ZMYM4: variants seen among roughly 807,000 people sequenced by gnomAD.
The protein encoded by ZMYM4 is zinc finger MYM-type containing 4.
A neutral mutation model predicts 183.2 loss-of-function variants in ZMYM4; 31 were observed. The ratio of observed to expected loss-of-function variants is 0.17; its 90% CI spans 0.13 to 0.23. ZMYM4 has a LOEUF of 0.23. Ranked by LOEUF, ZMYM4 falls within the 10% of genes least tolerant of loss-of-function variation. The probability of loss-of-function intolerance (pLI) is 1.00; values close to 1 mark genes in which losing one functional copy is unlikely to be tolerated. For synonymous variants in ZMYM4, 592 were observed against 631.2 expected (o/e 0.94, Z 0.93); for missense variants, 1,273 against 1,840.3 (o/e 0.69, Z 5.64).
intron 1 of ZMYM4, among the ~76,000 whole-genome samples, chr1:35,314,004 G>GT (rs1641922680): frequency 6.6e-6 from 1 of 151,652 alleles, no homozygotes; most frequent in Non-Finnish European, 1.5e-5. Flanking sequence ...TTAACTTTAG[G>GT]TATCACTAAT....
At chr1:35,291,799 G>T (rs1453696981) in intron 1 of ZMYM4, among the ~76,000 whole-genome samples, 1 of 151,852 alleles carries the variant, frequency 6.6e-6, no homozygotes, top group African/African-American at 2.4e-5. Flanking sequence ...CACCGCGCCT[G>T]TCTACTTTTT....
chr1:35,393,988 A>G (rs1004986787), intron 18 of ZMYM4, among the ~76,000 whole-genome samples: 1 of 152,022 alleles, frequency 6.6e-6, no homozygotes, highest in Admixed American at 6.6e-5. Flanking sequence ...TCTCTTATTA[A>G]TGACAATGTA....
At position 35,270,212 on chromosome 1, in the gene ZMYM4, A is replaced by G. The variant is rs1570198855; in HGVS notation, c.39+1127A>G. Among the ~76,000 whole-genome samples the G allele has an allele frequency of 3.9e-5, 6 of 152,338 alleles. No homozygotes were observed. The South Asian group carries it at 1.2e-3, about 32-fold the overall frequency. On this transcript the variant is annotated intron_variant, in intron 1 of 29. Coordinates refer to ENST00000314607, the MANE Select transcript of ZMYM4 (RefSeq NM_005095.3). Reference sequence around the variant, plus strand: ...AGGGCTTAAGTAATTTACTTAGATCACACAGCTAGTTGCAAGGTTGAGGTA... The same window carrying G: ...AGGGCTTAAGTAATTTACTTAGATCGCACAGCTAGTTGCAAGGTTGAGGTA...
chr1:35,388,890 TTA>T lies in ZMYM4; in HGVS notation c.2264-18_2264-17del. On this transcript the variant is annotated intron_variant, in intron 13 of 29. Transcript: ENST00000314607. ...CTAATACTTCTACCTAATGTTAATT[TTA>T]TCTTTCCTGATTTTTAGGTTGCAAA... 6.2e-7 allele frequency: 1 copy of T among 1,612,096 alleles called. No homozygotes were observed. Among genetic ancestry groups the T allele is most frequent in the Non-Finnish European group, 8.5e-7 (1 of 1,178,750 alleles).
intron 2 of ZMYM4, among the ~76,000 whole-genome samples, chr1:35,330,654 A>G (rs1329425483): frequency 6.6e-6 from 1 of 152,186 alleles, no homozygotes; most frequent in Non-Finnish European, 1.5e-5. Context: ...GAGAATTGTT[A>G]TTGTGTACAT....
intron 1 of ZMYM4, among the ~76,000 whole-genome samples, chr1:35,270,964 C>T (rs1309497818): frequency 6.6e-6 from 1 of 152,064 alleles, no homozygotes; most frequent in Non-Finnish European, 1.5e-5. Context: ...AGTCATAGAG[C>T]AAGTTAAGCT....
intron 25 of ZMYM4, among the ~76,000 whole-genome samples, chr1:35,406,496 G>A (rs569835684): frequency 6.6e-6 from 1 of 152,252 alleles, no homozygotes; most frequent in South Asian, 2.1e-4. Context: ...ACTCCAGCCT[G>A]AGCATCAGAG....
chr1:35,382,516 C>T (rs1570486997), intron 9 of ZMYM4, among the ~76,000 whole-genome samples: 1 of 149,926 alleles, frequency 6.7e-6, no homozygotes, highest in African/African-American at 2.5e-5. Flanking sequence ...GATCCCGGCT[C>T]ACTGCAACCT....
At chr1:35,411,935 T>C (rs1218883958) in intron 26 of ZMYM4, among the ~76,000 whole-genome samples, 1 of 152,282 alleles carries the variant, frequency 6.6e-6, no homozygotes, top group African/African-American at 2.4e-5. Flanking sequence ...CAGGCTGGAG[T>C]GCAGTGGCAC....
rs1352139575 is a variant in ZMYM4, at chr1:35,420,897, C to T, written c.*1220C>T. The T allele has an allele frequency of 1.0e-4, 16 of 152,686 alleles. No homozygotes were observed. Among genetic ancestry groups the T allele is most frequent in the African/African-American group, 3.8e-4 (16 of 41,576 alleles). 9.5% of individuals were successfully genotyped at this position (152,686 alleles called of 1,614,324 possible). ...CATAAGCAGGTCTTAGAGCATTATT[C>T]CAAACTCTAGCTGTTTCAGTAGTTC... On this transcript the variant is annotated 3_prime_UTR_variant, in exon 30 of 30. Coordinates refer to ENST00000314607, the MANE Select transcript of ZMYM4 (RefSeq NM_005095.3).
At chr1:35,407,905 C>T in intron 25 of ZMYM4, 103 bp from the exon 26 acceptor site, 1 of 1,452,492 alleles carries the variant, frequency 6.9e-7, no homozygotes, top group Non-Finnish European at 9.5e-7. Context: ...CTAGTCTGCA[C>T]CGCAGTGCCT....
chr1:35,359,312 TA>T lies in ZMYM4; in HGVS notation c.475del (p.Arg159GlufsTer17). The T allele has an allele frequency of 6.2e-7, 1 of 1,610,804 alleles. No individual in the cohort carries two copies. The highest frequency in any genetic ancestry group is 1.1e-5 in the South Asian group (1 of 89,896). On this transcript the variant is annotated frameshift_variant, in exon 3 of 30. Transcript: ENST00000314607. LOFTEE classifies it high-confidence loss of function. ...TCAATACGGAAAGATTTTAGTCTAG[TA>T]AGAGAAAACAGCAAAGAGACATTTT... ...FKSIRKDFSL[V>X]RENSKETFSG...
At chr1:35,338,756 AT>A (rs1290370535) in intron 2 of ZMYM4, among the ~76,000 whole-genome samples, 2 of 151,818 alleles carry the variant, frequency 1.3e-5, no homozygotes, top group African/African-American at 2.4e-5. Context: ...GGTATTTTTA[AT>A]TTTTTTTGTG....
intron 27 of ZMYM4, among the ~76,000 whole-genome samples, chr1:35,414,762 GC>G (rs1640046424): frequency 6.6e-6 from 1 of 152,028 alleles, no homozygotes; most frequent in Non-Finnish European, 1.5e-5. Context: ...TAAATTCATG[GC>G]TGGGTGTGGT....
chr1:35,399,379 A>G, intron 22 of ZMYM4, 103 bp from the exon 23 acceptor site: 3 of 1,059,784 alleles, frequency 2.8e-6, no homozygotes, highest in Non-Finnish European at 4.1e-6. Context: ...AAACAAACTA[A>G]TGAATATAGT....
rs138002420 is a variant in ZMYM4 at position 35,309,297 on chromosome 1, C to T, written c.40-16063C>T. ...TTTAGCTTATTTCTTTGACATAGAC[C>T]GAAATGTTTTTCTTAAATTTTAAGA... On this transcript the variant is annotated intron_variant, in intron 1 of 29. Coordinates refer to ENST00000314607, the MANE Select transcript of ZMYM4 (RefSeq NM_005095.3). 1.7e-3 allele frequency among the ~76,000 whole-genome samples: 252 copies of T among 151,926 alleles called. 4 individuals are homozygous for T. In the East Asian group the frequency reaches 0.03, roughly 18 times the overall value.
chr1:35,358,780 C>T (rs1177482038), intron 2 of ZMYM4, 145 bp from the exon 3 acceptor site: 1 of 699,408 alleles, frequency 1.4e-6, no homozygotes, highest in Non-Finnish European at 2.3e-6. Flanking sequence ...ATCTGTCACA[C>T]CTATATCAAA....
rs1416528215 is a variant in ZMYM4, at chr1:35,397,373, T to C, written c.3031-4T>C. The C allele has an allele frequency of 6.3e-7, 1 of 1,576,360 alleles. No individual in the cohort carries two copies. Among genetic ancestry groups the C allele is most frequent in the Non-Finnish European group, 8.6e-7 (1 of 1,162,706 alleles). On this transcript the variant is annotated splice_polypyrimidine_tract_variant and splice_region_variant and intron_variant, in intron 19 of 29. Coordinates refer to ENST00000314607, the MANE Select transcript of ZMYM4 (RefSeq NM_005095.3). ...AAGCCTTCAGTCTATCCTTGGTCTT[T>C]CAGATGCCTGTCCCTATGCTTATTC...
In ZMYM4 at chr1:35,405,150, A is replaced by G. The variant is rs1236389105; in HGVS notation, c.3656A>G (p.Gln1219Arg). Residue 1219 changes from glutamine to arginine, a missense_variant, in exon 24 of 30, where the codon CAG becomes CGG. Physicochemically the swap from Gln to Arg is conservative, Grantham distance 43. Transcript: ENST00000314607. ...GTAAATGCTTGGAAGAACTGGGTTC[A>G]GTGGAAAAATGCCAAGGAAGAGCAG... is the stretch of plus-strand genomic sequence containing the variant. ...YGVNAWKNWV[Q>R]WKNAKEEQGD... 2 of 1,614,148 alleles carry G rather than the reference A, an allele frequency of 1.2e-6. No individual in the cohort carries two copies. The highest frequency in any genetic ancestry group is 3.3e-5 in the Admixed American group (2 of 60,020).
Sources: gnomAD v4.1 joint callset for allele counts (sites outside exome capture counted in the v4.1 genomes callset) on GRCh38, gnomAD v4.1.1 for gene constraint, MANE v1.5 for transcripts, NCBI Gene and HGNC (gene_info 2026-07-23, HGNC 2026-07-21) for gene names.